The following WIPF1 variants were observed in gnomAD, a reference collection of about 807,000 sequenced individuals.
WIPF1 encodes the protein WAS/WASL-interacting protein family member 1.
Under a neutral mutation model 35.4 loss-of-function variants are expected in WIPF1, and 13 were observed. That is an observed-to-expected ratio of 0.37 (90% CI 0.24 to 0.58). The LOEUF (loss-of-function observed/expected upper bound fraction) is 0.58, where lower values mean the gene tolerates loss of function less well. Among genes scored for constraint, WIPF1 ranks in the 20% least tolerant of loss-of-function variants. The pLI is 0.74. For synonymous variants in WIPF1, 267 were observed against 266.3 expected (o/e 1.00, Z -0.02); for missense variants, 591 against 667.0 (o/e 0.89, Z 1.25).
chr2:174,573,166 C>G (rs1460177853), intron 4 of WIPF1, among the ~76,000 whole-genome samples: 2 of 151,534 alleles, frequency 1.3e-5, no homozygotes, highest in African/African-American at 4.8e-5. Flanking sequence ...ACAGAATAAT[C>G]CCATAACTGC....
intron 4 of WIPF1, 23 bp downstream of exon 4, chr2:174,575,181 A>G: frequency 6.3e-7 from 1 of 1,592,362 alleles, no homozygotes; most frequent in Non-Finnish European, 8.6e-7. Context: ...TCAGTCACTC[A>G]GAGACAGGGA....
Position 174,571,910 on chromosome 2 carries a change from G to A in WIPF1, c.895C>T (p.Arg299Trp), listed in dbSNP as rs1684864328. 3 of 1,610,122 alleles carry A rather than the reference G, an allele frequency of 1.9e-6. No homozygotes were observed. The highest frequency in any genetic ancestry group is 1.1e-5 in the South Asian group (1 of 90,482). The change falls in exon 5 of 8, where the codon CGG becomes TGG. Residue 299 changes from arginine (R) to tryptophan (W), a missense_variant. Around this residue, in one of 3 missense-constraint regions of WIPF1, gnomAD observed 471 missense variants for 501.1 expected, o/e 0.94. Coordinates refer to ENST00000679041, the MANE Select transcript of WIPF1 (RefSeq NM_001375834.1). This position sits in a 1 kb window ranked among gnomAD's most constrained non-coding sequence, Gnocchi z 4.6. ...GGGGCCTGTGAGGAGGCCGAAGGCC[G>A]CGGAGTGGAAGGCACTGGAGGCTTG... ...NNKPPVPSTPRPSASSQAPPP... is the reference protein window; with the variant it reads ...NNKPPVPSTPWPSASSQAPPP...
intron 1 of WIPF1, among the ~76,000 whole-genome samples, chr2:174,659,104 T>C (rs1687705161): frequency 6.6e-6 from 1 of 152,190 alleles, no homozygotes; most frequent in African/African-American, 2.4e-5. Flanking sequence ...TGTAAATCTT[T>C]TAATAAAGCC....
chr2:174,637,659 T>C (rs553283214), intron 1 of WIPF1, among the ~76,000 whole-genome samples: 8 of 152,234 alleles, frequency 5.3e-5, no homozygotes, highest in Admixed American at 3.9e-4. Flanking sequence ...TGGTGGCGGG[T>C]GCCTGTAGTC....
Position 174,576,531 on chromosome 2 carries a change from T to C in WIPF1, c.182-1151A>G, listed in dbSNP as rs113347086. On this transcript the variant is annotated intron_variant, in intron 3 of 7. Coordinates refer to ENST00000679041, the MANE Select transcript of WIPF1 (RefSeq NM_001375834.1). ...AATTTTTTAATATCATGAAGCCCAATAGTAGGCTTTAGTAATTTAAACATT... is the reference window on the plus strand; with the variant it reads ...AATTTTTTAATATCATGAAGCCCAACAGTAGGCTTTAGTAATTTAAACATT... 8.0e-3 allele frequency among the ~76,000 whole-genome samples: 1,223 copies of C among 152,304 alleles called. 29 individuals carry two copies. Among genetic ancestry groups the C allele is most frequent in the African/African-American group, 0.028 (1,159 of 41,556 alleles).
chr2:174,612,898 T>G (rs1206619977), intron 1 of WIPF1, among the ~76,000 whole-genome samples: 1 of 152,248 alleles, frequency 6.6e-6, no homozygotes, highest in South Asian at 2.1e-4. Context: ...ATTCGTAGAC[T>G]GACTGGGTGG....
chr2:174,588,494 TTCAGGGGCTGCCACCCTGAAAGGCC>T (rs1218804708), intron 1 of WIPF1, among the ~76,000 whole-genome samples: 1 of 152,158 alleles, frequency 6.6e-6, no homozygotes, highest in Non-Finnish European at 1.5e-5. Flanking sequence ...TGGGGACCCT[TTCAGGGGCTGCCACCCTGAAAGGCC>T]TCCTTAATTA....
In WIPF1 at chr2:174,573,769, G is replaced by C. The variant is rs1377458577; in HGVS notation, c.359-1323C>G. 1.2e-3 allele frequency among the ~76,000 whole-genome samples: 180 copies of C among 152,274 alleles called. 1 individual carries two copies. Among genetic ancestry groups the C allele is most frequent in the Non-Finnish European group, 2.4e-4 (16 of 67,998 alleles). On this transcript the variant is annotated intron_variant, in intron 4 of 7. Coordinates refer to ENST00000679041, the MANE Select transcript of WIPF1 (RefSeq NM_001375834.1). ...AAGTGGAGCCTGAGTGGCCAGCAGG[G>C]GTTAGTCACAAGGAGCCCTGCAGGA...
chr2:174,572,790 T>C (rs912973965), intron 4 of WIPF1, among the ~76,000 whole-genome samples: 1 of 152,228 alleles, frequency 6.6e-6, no homozygotes, highest in Non-Finnish European at 1.5e-5. Flanking sequence ...ATGGCATTGG[T>C]AGAATCATGA....
chr2:174,588,951 C>G (rs1574812857), intron 1 of WIPF1, among the ~76,000 whole-genome samples: 1 of 152,174 alleles, frequency 6.6e-6, no homozygotes, highest in Non-Finnish European at 1.5e-5. Flanking sequence ...ATTAACTGTC[C>G]CTTTCCAATC....
At chr2:174,607,499 C>T (rs1265851529) in intron 1 of WIPF1, among the ~76,000 whole-genome samples, 2 of 152,198 alleles carry the variant, frequency 1.3e-5, no homozygotes, top group Non-Finnish European at 1.5e-5. Context: ...CACATACAAA[C>T]TACAGCATTC....
At chr2:174,615,770 G>A (rs976875470) in intron 1 of WIPF1, among the ~76,000 whole-genome samples, 2 of 152,196 alleles carry the variant, frequency 1.3e-5, no homozygotes, top group Admixed American at 6.5e-5. Flanking sequence ...AAAGAGAAGA[G>A]CAGGCAAAGG....
intron 1 of WIPF1, among the ~76,000 whole-genome samples, chr2:174,595,105 AAAAAAT>A (rs1685758153): frequency 2.5e-5 from 1 of 40,568 alleles, no homozygotes; most frequent in African/African-American, 8.7e-5. Context: ...AAAAAAAAAA[AAAAAAT>A]ATATATATAT....
chr2:174,655,646 T>C (rs1378692959), intron 1 of WIPF1: 1 of 152,160 alleles, frequency 6.6e-6, no homozygotes, highest in Non-Finnish European at 1.5e-5. Context: ...TCTTCAACCA[T>C]CTCCACAGGA....
intron 1 of WIPF1, among the ~76,000 whole-genome samples, chr2:174,592,452 C>A (rs1163228255): frequency 6.6e-6 from 1 of 150,886 alleles, no homozygotes; most frequent in Non-Finnish European, 1.5e-5. Flanking sequence ...GAATATTAAA[C>A]TTCTTTTCCC....
intron 1 of WIPF1, among the ~76,000 whole-genome samples, chr2:174,651,656 ATG>A (rs1687535568): frequency 6.6e-6 from 1 of 152,198 alleles, no homozygotes; most frequent in Non-Finnish European, 1.5e-5. Context: ...AAACACAACG[ATG>A]TGTTATATGG....
At chr2:174,607,449 G>A (rs879276778) in intron 1 of WIPF1, among the ~76,000 whole-genome samples, 1 of 152,148 alleles carries the variant, frequency 6.6e-6, no homozygotes, top group Non-Finnish European at 1.5e-5. Context: ...GAACATGGTT[G>A]CATTCAGGAT....
At chr2:174,629,116 G>A (rs1160144934) in intron 1 of WIPF1, among the ~76,000 whole-genome samples, 3 of 152,156 alleles carry the variant, frequency 2.0e-5, no homozygotes, top group African/African-American at 7.2e-5. Context: ...GAGAGGCTGA[G>A]GCAGGAGAAT....
chr2:174,621,732 A>G (rs1374227289), intron 1 of WIPF1, among the ~76,000 whole-genome samples: 1 of 152,154 alleles, frequency 6.6e-6, no homozygotes, highest in Admixed American at 6.5e-5. Context: ...TACTAACGAG[A>G]TATTTTATAT....
Sources: gnomAD v4.1 joint callset for allele counts (sites outside exome capture counted in the v4.1 genomes callset) on GRCh38, gnomAD v4.1.1 for gene constraint, gnomAD v4.1.1 regional missense constraint, Gnocchi (gnomAD v3.1) non-coding constraint, MANE v1.5 for transcripts, NCBI Gene and HGNC (gene_info 2026-07-23, HGNC 2026-07-21) for gene names.